The following GRAMD4 variants were observed in gnomAD, a reference collection of about 807,000 sequenced individuals.
The protein encoded by GRAMD4 is GRAM domain-containing protein 4.
Under a neutral mutation model 83.9 loss-of-function variants are expected in GRAMD4, and 25 were observed. The observed-to-expected ratio is 0.30, with a 90% CI of 0.22 to 0.42. The LOEUF is 0.42. GRAMD4 is among the 10% of genes least tolerant of loss of function. The pLI, the probability that GRAMD4 is intolerant of heterozygous loss-of-function variation, is 1.00. For synonymous variants in GRAMD4, 336 were observed against 320.9 expected, an observed-to-expected ratio of 1.05 and a Z score of -0.50; for missense variants, 593 against 788.7, an observed-to-expected ratio of 0.75 and a Z score of 2.97.
At chr22:46,605,594 C>T (rs2081357061) in intron 1 of GRAMD4, among the ~76,000 whole-genome samples, 1 of 152,280 alleles carries the variant, frequency 6.6e-6, no homozygotes, top group East Asian at 1.9e-4. Flanking sequence ...CGGTTTCTCC[C>T]CATTCTCGCC....
intron 9 of GRAMD4, among the ~76,000 whole-genome samples, chr22:46,666,576 C>T (rs552220901): frequency 6.6e-5 from 10 of 152,222 alleles, no homozygotes; most frequent in Non-Finnish European, 1.0e-4. Context: ...TCTCCCACAC[C>T]GCTGGCCACT....
Position 46,672,395 on chromosome 22 carries a change from AG to A in GRAMD4, c.1085-445del, listed in dbSNP as rs1225511158. Among the ~76,000 whole-genome samples, 2 of 140,636 alleles carry A rather than the reference AG, an allele frequency of 1.4e-5. No individual in the cohort carries two copies. The highest frequency in any genetic ancestry group is 3.1e-5 in the Non-Finnish European group (2 of 64,772). 92.3% of individuals were successfully genotyped at this position (140,636 alleles called of 152,430 possible). On this transcript the variant is annotated intron_variant, in intron 13 of 18. Coordinates refer to ENST00000406902, the MANE Select transcript of GRAMD4 (RefSeq NM_015124.5). This position sits in a 1 kb window ranked among gnomAD's most constrained non-coding sequence, Gnocchi z 4.7. ...GCGTGGGGGGGCACCCAGTTGAAGA[AG>A]GGCAGGTGGGAGGGGGTTTGGGGAG...
At chr22:46,603,837 G>A (rs1000036944) in intron 1 of GRAMD4, among the ~76,000 whole-genome samples, 1 of 152,074 alleles carries the variant, frequency 6.6e-6, no homozygotes, top group African/African-American at 2.4e-5. Flanking sequence ...CTTTTATTGT[G>A]TTCCTCATCT....
chr22:46,626,591 G>C (rs1378244587), intron 1 of GRAMD4, among the ~76,000 whole-genome samples, 160 bp from the exon 2 acceptor site: 1 of 146,258 alleles, frequency 6.8e-6, no homozygotes, highest in Admixed American at 6.7e-5. Context: ...GAGCTGGCTC[G>C]TGGGGCTTGG....
At chr22:46,661,525 A>T (rs1340479669) in intron 5 of GRAMD4, 83 bp downstream of exon 5, 3 of 983,186 alleles carry the variant, frequency 3.1e-6, no homozygotes, top group Non-Finnish European at 1.6e-6. Flanking sequence ...GCCCAGGTTA[A>T]CAATGGAGCA....
intron 6 of GRAMD4, among the ~76,000 whole-genome samples, 182 bp downstream of exon 6, chr22:46,663,354 G>A (rs2082359138): frequency 6.6e-6 from 1 of 152,226 alleles, no homozygotes. Context: ...GGGCTTGCGA[G>A]GCCCGCTTAG....
intron 3 of GRAMD4, among the ~76,000 whole-genome samples, chr22:46,650,386 G>T (rs189831952): frequency 1.4e-5 from 2 of 142,618 alleles, no homozygotes; most frequent in African/African-American, 5.4e-5. Flanking sequence ...AGGGCTGGGC[G>T]TCGAGGCTGG....
At chr22:46,673,072 T>A in intron 14 of GRAMD4, 75 bp downstream of exon 14, 1 of 1,177,886 alleles carries the variant, frequency 8.5e-7, no homozygotes, top group Non-Finnish European at 1.2e-6. Context: ...CCCACAGTGC[T>A]CTGTTCACCT....
intron 1 of GRAMD4, among the ~76,000 whole-genome samples, chr22:46,603,968 G>T (rs1340335890): frequency 6.6e-6 from 1 of 152,146 alleles, no homozygotes; most frequent in Non-Finnish European, 1.5e-5. Context: ...TTTATTTTGG[G>T]AAGGTGTGAG....
chr22:46,577,228 G>C, exon 1 of GRAMD4: 9 of 961,070 alleles, frequency 9.4e-6, no homozygotes, highest in Non-Finnish European at 1.1e-5. Flanking sequence ...TAGCGCGGCC[G>C]GGCGGCCGGC....
chr22:46,666,950 G>A (rs900761549), intron 10 of GRAMD4, 77 bp downstream of exon 10: 55 of 1,083,118 alleles, frequency 5.1e-5, no homozygotes, highest in Admixed American at 3.6e-4. Flanking sequence ...GGCACCGCTC[G>A]GGGAAGCCTC....
intron 5 of GRAMD4, 56 bp from the exon 6 acceptor site, chr22:46,662,984 C>T: frequency 6.6e-7 from 1 of 1,523,030 alleles, no homozygotes; most frequent in Non-Finnish European, 8.8e-7. Flanking sequence ...CGGAGCCGAC[C>T]CCAGAACAGG....
chr22:46,673,588 G>A, intron 14 of GRAMD4, 82 bp from the exon 15 acceptor site: 1 of 1,503,034 alleles, frequency 6.7e-7, no homozygotes, highest in South Asian at 1.2e-5. Context: ...CAGCTTTTGG[G>A]GAGGTGTGTG....
At chr22:46,587,932 A>G (rs2081167271) in intron 1 of GRAMD4, 8 of 985,288 alleles carry the variant, frequency 8.1e-6, no homozygotes, top group Non-Finnish European at 9.6e-6. Context: ...GGGCAGACGC[A>G]CTCACATCAC....
chr22:46,679,056 C>T lies in GRAMD4; in HGVS notation c.*1805C>T. ...GGGGACATATCCCAGTGAACCCCAC[C>T]TTGGCGCCTGAGGCAACACAGGGTG... On this transcript the variant is annotated 3_prime_UTR_variant, in exon 19 of 19. Transcript: ENST00000406902. 1.0e-6 allele frequency: 1 copy of T among 985,682 alleles called. No homozygotes were observed. The allele number at this position is 985,682 out of a possible 1,614,324, so 61.1% of individuals were successfully genotyped here. A position where few individuals can be genotyped will look rare whatever the true frequency, so the allele number is the denominator to read the frequency against.
chr22:46,655,925 G>T (rs966896038), intron 3 of GRAMD4, among the ~76,000 whole-genome samples: 4 of 151,924 alleles, frequency 2.6e-5, no homozygotes, highest in Non-Finnish European at 4.4e-5. Context: ...ACCTCCGTCC[G>T]CGGAGAAAAG....
chr22:46,603,585 T>C (rs1390936744), intron 1 of GRAMD4, among the ~76,000 whole-genome samples: 40 of 127,370 alleles, frequency 3.1e-4, no homozygotes, highest in Middle Eastern at 5.3e-3. Context: ...GGCGCGATCC[T>C]GGCTCACTGC....
intron 3 of GRAMD4, among the ~76,000 whole-genome samples, chr22:46,656,103 T>TG (rs1177825219): frequency 6.6e-6 from 1 of 151,320 alleles, no homozygotes; most frequent in Non-Finnish European, 1.5e-5. Context: ...TCAGCTGCCC[T>TG]GGGGGGCTCT....
chr22:46,617,369 C>T (rs1172276267), upstream of GRAMD4, among the ~76,000 whole-genome samples: 21 of 142,456 alleles, frequency 1.5e-4, no homozygotes, highest in African/African-American at 5.5e-4. Flanking sequence ...CCCATGTGTG[C>T]GGGTTCCCCT....
Sources: allele counts gnomAD v4.1 joint callset (sites outside exome capture counted in the v4.1 genomes callset), GRCh38; gene constraint gnomAD v4.1.1; non-coding constraint Gnocchi (gnomAD v3.1); transcripts MANE v1.5; gene names NCBI Gene and HGNC (gene_info 2026-07-23, HGNC 2026-07-21).